The following AGO4 variants were observed in gnomAD, a reference collection of about 807,000 sequenced individuals.
The protein encoded by AGO4 is argonaute RISC component 4.
AGO4 carries 33 observed loss-of-function variants against 104.7 expected under a neutral mutation model. That is an observed-to-expected ratio of 0.32 (90% CI 0.24 to 0.42). The LOEUF (loss-of-function observed/expected upper bound fraction) is 0.42. Ranked by LOEUF, AGO4 falls within the 10% of genes least tolerant of loss-of-function variation. The pLI, the probability that AGO4 is intolerant of heterozygous loss-of-function variation, is 1.00. For missense variants in AGO4, 711 were observed against 1,083.4 expected, an observed-to-expected ratio of 0.66 and a Z score of 4.83; for synonymous variants, 331 against 364.7, an observed-to-expected ratio of 0.91 and a Z score of 1.05.
chr1:35,825,409 G>A lies in AGO4; in HGVS notation c.403G>A (p.Glu135Lys), dbSNP rs770636332. 2 of 1,614,188 alleles carry A rather than the reference G, an allele frequency of 1.2e-6. No homozygotes were observed. Among genetic ancestry groups the A allele is most frequent in the Non-Finnish European group, 1.7e-6 (2 of 1,180,036 alleles). Residue 135 changes from glutamate (E) to lysine (K), a missense_variant, in exon 4 of 18, where the codon GAA becomes AAA. Glu to Lys is a moderately conservative substitution (Grantham distance 56, BLOSUM62 1). Around this residue, in one of 3 missense-constraint regions of AGO4, gnomAD observed 308 missense variants for 397.8 expected, o/e 0.77. Transcript: ENST00000373210. The stretch of plus-strand genomic sequence containing the variant: ...AGTTGTGAGCCTTCAGTTGCTTTTA[G>A]AAGCTTTGGCTGGGCACTTGAATGA... Reference protein sequence around the residue: ...VSVVSLQLLLEALAGHLNEVP... With the variant: ...VSVVSLQLLLKALAGHLNEVP...
At chr1:35,838,930 T>A (rs74950242) in intron 13 of AGO4, among the ~76,000 whole-genome samples, 20 of 152,212 alleles carry the variant, frequency 1.3e-4, no homozygotes, top group East Asian at 9.7e-4. Flanking sequence ...CTTTTTTTTT[T>A]AATTTAATCT....
chr1:35,834,346 GCT>G, intron 12 of AGO4, among the ~76,000 whole-genome samples, 172 bp downstream of exon 12: 1 of 152,224 alleles, frequency 6.6e-6, no homozygotes, highest in Non-Finnish European at 1.5e-5. Context: ...TGCGGCTTCT[GCT>G]CTGTGTCATC....
chr1:35,852,224 A>G (rs982358698), intron 17 of AGO4, among the ~76,000 whole-genome samples: 2 of 152,220 alleles, frequency 1.3e-5, no homozygotes, highest in Non-Finnish European at 2.9e-5. Flanking sequence ...TGTTCCTAGG[A>G]TAGAATAGAC....
chr1:35,808,728 C>T lies in AGO4; in HGVS notation c.19+293C>T, dbSNP rs1643388400. Among the ~76,000 whole-genome samples, 1 of 152,144 alleles carries T rather than the reference C, an allele frequency of 6.6e-6. No homozygotes were observed. The highest frequency in any genetic ancestry group is 2.4e-5 in the African/African-American group (1 of 41,452). ...CCACCTCGGGGAGACGATATGTGCC[C>T]GGGGTCGCGACGAGGGTAGTTTGGG... On this transcript the variant is annotated intron_variant, in intron 1 of 17. Transcript: ENST00000373210. This position sits in a 1 kb window ranked among gnomAD's most constrained non-coding sequence, Gnocchi z 5.2.
At chr1:35,831,101 C>A (rs1182162275) in intron 7 of AGO4, among the ~76,000 whole-genome samples, 1 of 152,018 alleles carries the variant, frequency 6.6e-6, no homozygotes, top group Non-Finnish European at 1.5e-5. Context: ...GTGGCTCACG[C>A]CTGTAATCCC....
intron 12 of AGO4, among the ~76,000 whole-genome samples, chr1:35,834,522 T>A (rs929444145): frequency 6.6e-6 from 1 of 152,104 alleles, no homozygotes; most frequent in African/African-American, 2.4e-5. Flanking sequence ...GAATGTAGTG[T>A]GATACTACCA....
At chr1:35,846,387 G>A (rs1467781720) in intron 15 of AGO4, among the ~76,000 whole-genome samples, 1 of 151,970 alleles carries the variant, frequency 6.6e-6, no homozygotes, top group Non-Finnish European at 1.5e-5. Context: ...CACAAGGTCA[G>A]GAGATCGAGA....
At chr1:35,853,205 T>C (rs1184751535) in intron 17 of AGO4, among the ~76,000 whole-genome samples, 1 of 146,166 alleles carries the variant, frequency 6.8e-6, no homozygotes, top group African/African-American at 2.6e-5. Flanking sequence ...GAGCCGAGAT[T>C]GCGCCACTGA....
chr1:35,809,124 C>T lies in AGO4; in HGVS notation c.19+689C>T, dbSNP rs1000070288. On this transcript the variant is annotated intron_variant, in intron 1 of 17. Transcript: ENST00000373210. ...ACCACAGGCTTCAATGCCCTGAGTT[C>T]TCTTCTAATTGGGTTATGAGTGGTT... Among the ~76,000 whole-genome samples, 3 of 152,126 alleles carry T rather than the reference C, an allele frequency of 2.0e-5. No homozygotes were observed. In the South Asian group the frequency reaches 6.2e-4, roughly 31 times the overall value.
rs201431312 is a variant in AGO4 at position 35,833,982 on chromosome 1, T to C, written c.1380-8T>C. The stretch of plus-strand genomic sequence containing the variant: ...AAAAAAACCGTGTTACTGGTTCTAT[T>C]TTAACAGGAGTTTCACTGACCAGCT... On this transcript the variant is annotated splice_polypyrimidine_tract_variant and splice_region_variant and intron_variant, in intron 11 of 17. Transcript: ENST00000373210. 7.4e-6 allele frequency: 11 copies of C among 1,494,372 alleles called. No individual in the cohort carries two copies. In the Admixed American group the frequency reaches 1.7e-4, roughly 23 times the overall value. 92.6% of individuals were successfully genotyped at this position (1,494,372 alleles called of 1,614,324 possible). A position where few individuals can be genotyped will look rare whatever the true frequency, so the allele number is the denominator to read the frequency against.
intron 1 of AGO4, among the ~76,000 whole-genome samples, chr1:35,815,479 GA>G (rs930026823): frequency 5.9e-5 from 9 of 151,480 alleles, no homozygotes; most frequent in Admixed American, 5.9e-4. Context: ...GTTCTGTGGG[GA>G]AAAAAAACAG....
chr1:35,847,650 T>C (rs1644603700), intron 15 of AGO4, among the ~76,000 whole-genome samples: 1 of 151,032 alleles, frequency 6.6e-6, no homozygotes. Context: ...ATGTAAAGGC[T>C]TAAATAGTTG....
chr1:35,833,548 T>C (rs1644235505), intron 11 of AGO4, among the ~76,000 whole-genome samples: 1 of 152,218 alleles, frequency 6.6e-6, no homozygotes, highest in Admixed American at 6.5e-5. Context: ...TACACTGATT[T>C]TGTAACAGCA....
At chr1:35,819,223 T>C (rs1047473055) in intron 2 of AGO4, among the ~76,000 whole-genome samples, 5 of 152,082 alleles carry the variant, frequency 3.3e-5, no homozygotes, top group Non-Finnish European at 5.9e-5. Context: ...TGGGGAAAAC[T>C]GCAAGAGAAG....
intron 7 of AGO4, among the ~76,000 whole-genome samples, chr1:35,827,200 C>CA (rs1217353418): frequency 6.6e-6 from 1 of 150,858 alleles, no homozygotes; most frequent in Non-Finnish European, 1.5e-5. Flanking sequence ...GACCCTGTCT[C>CA]AAAAAAAATT....
Position 35,853,609 on chromosome 1 carries a change from T to A in AGO4, c.*4T>A, listed in dbSNP as rs548583111. The A allele has an allele frequency of 1.3e-5, 21 of 1,613,108 alleles. No homozygotes were observed. In the South Asian group the frequency reaches 2.2e-4, roughly 17 times the overall value. On this transcript the variant is annotated 3_prime_UTR_variant, in exon 18 of 18. Transcript: ENST00000373210. Reference sequence around the variant, plus strand: ...GCACACGATGTATTTTGCCTGAGAGTCTCAGAAAAAGAACTCAACCAATTT... The same window carrying A: ...GCACACGATGTATTTTGCCTGAGAGACTCAGAAAAAGAACTCAACCAATTT...
chr1:35,831,679 A>AT (rs1644188526), intron 8 of AGO4, 105 bp downstream of exon 8: 4 of 1,536,656 alleles, frequency 2.6e-6, no homozygotes, highest in South Asian at 2.6e-5. Flanking sequence ...TTTCTAAAAT[A>AT]TTTTTGGCAG....
chr1:35,851,982 AGAG>A (rs905250361), intron 17 of AGO4, among the ~76,000 whole-genome samples: 5 of 152,252 alleles, frequency 3.3e-5, no homozygotes, highest in African/African-American at 1.2e-4. Context: ...ATGGGACACC[AGAG>A]GAGAGGCTTT....
intron 1 of AGO4, among the ~76,000 whole-genome samples, chr1:35,809,870 A>G (rs562584030): frequency 1.3e-5 from 2 of 152,352 alleles, no homozygotes; most frequent in South Asian, 4.1e-4. Context: ...GTGCCTATAG[A>G]TGCTCAACAG....
Sources: gnomAD v4.1 joint callset for allele counts (sites outside exome capture counted in the v4.1 genomes callset) on GRCh38, gnomAD v4.1.1 for gene constraint, gnomAD v4.1.1 regional missense constraint, Gnocchi (gnomAD v3.1) non-coding constraint, MANE v1.5 for transcripts, NCBI Gene and HGNC (gene_info 2026-07-23, HGNC 2026-07-21) for gene names.